The following LEPR variants were observed in gnomAD, a reference collection of about 807,000 sequenced individuals.
LEPR encodes the protein OB receptor.
In LEPR, 56 loss-of-function variants were observed where a neutral mutation model predicts 114.7. The ratio of observed to expected loss-of-function variants is 0.49; its 90% CI spans 0.39 to 0.61. The LOEUF (loss-of-function observed/expected upper bound fraction) is 0.61, where lower values mean the gene tolerates loss of function less well. LEPR is among the 20% of genes least tolerant of loss of function. LEPR has a pLI of 0.00. For synonymous variants in LEPR, 443 were observed against 461.4 expected (o/e 0.96, Z 0.51); for missense variants, 1,202 against 1,352.9 (o/e 0.89, Z 1.75).
chr1:65,508,949 A>G (rs1648893167), intron 2 of LEPR, among the ~76,000 whole-genome samples: 1 of 151,930 alleles, frequency 6.6e-6, no homozygotes, highest in South Asian at 2.1e-4. Context: ...TTTGATACTA[A>G]TGTAAATGGG....
At chr1:65,435,224 C>G (rs1165943271) in intron 2 of LEPR, 1 of 985,256 alleles carries the variant, frequency 1.0e-6, no homozygotes, top group African/African-American at 1.7e-5. Context: ...ATTTTTCTTA[C>G]TGTCCTAAGG....
intron 5 of LEPR, among the ~76,000 whole-genome samples, chr1:65,574,610 A>G (rs1158194486): frequency 1.3e-5 from 2 of 152,208 alleles, no homozygotes; most frequent in East Asian, 1.9e-4. Context: ...AGCACTTGCT[A>G]TGTTTAACAG....
intron 2 of LEPR, among the ~76,000 whole-genome samples, chr1:65,452,133 C>T (rs535312915): frequency 1.3e-5 from 2 of 152,080 alleles, no homozygotes; most frequent in Admixed American, 6.5e-5. Flanking sequence ...GATTTTGTAT[C>T]CTGAGACTTT....
Position 65,610,475 on chromosome 1 carries a change from G to A in LEPR, c.1995+179G>A, listed in dbSNP as rs530646065. ...ACAGTGGCTGAAGCACTGGCATAGT[G>A]TTAGGAGACTTTCATTCTCTTCTTA... On this transcript the variant is annotated intron_variant, in intron 14 of 19. Transcript: ENST00000349533. 3.9e-5 allele frequency among the ~76,000 whole-genome samples: 6 copies of A among 152,298 alleles called. No individual in the cohort carries two copies. The East Asian group carries it at 1.2e-3, about 29-fold the overall frequency.
At chr1:65,620,375 TA>T (rs543719679) in intron 17 of LEPR, among the ~76,000 whole-genome samples, 3 of 152,154 alleles carry the variant, frequency 2.0e-5, no homozygotes, top group South Asian at 4.1e-4. Flanking sequence ...TAAAAATCAT[TA>T]AAAAAATTCA....
intron 4 of LEPR, among the ~76,000 whole-genome samples, chr1:65,571,971 C>CA (rs72311704): frequency 0.025 from 1,499 of 60,482 alleles, 62 homozygotes; most frequent in South Asian, 0.029. Context: ...CACCCCATCT[C>CA]AAAAAAAAAA....
intron 2 of LEPR, among the ~76,000 whole-genome samples, chr1:65,463,099 G>A (rs1312529353): frequency 6.6e-6 from 1 of 152,086 alleles, no homozygotes; most frequent in African/African-American, 2.4e-5. Context: ...GTAGTACCTA[G>A]GTTTTCTTCT....
In LEPR at chr1:65,639,856, T is replaced by G. The variant is rs1658815545; in HGVS notation, c.*2841T>G. 6.6e-6 allele frequency: 1 copy of G among 152,088 alleles called. No individual in the cohort carries two copies. The highest frequency in any genetic ancestry group is 1.5e-5 in the Non-Finnish European group (1 of 68,014). 9.4% of individuals were successfully genotyped at this position (152,088 alleles called of 1,614,324 possible). A position where few individuals can be genotyped will look rare whatever the true frequency, so the allele number is the denominator to read the frequency against. ...TTCTAACTTAAACCCCCAAGAACAA[T>G]GAAAAAGTTGACGTACATGTCACTA... On this transcript the variant is annotated 3_prime_UTR_variant, in exon 20 of 20. Coordinates refer to ENST00000349533, the MANE Select transcript of LEPR (RefSeq NM_002303.6).
intron 14 of LEPR, 22 bp from the exon 15 acceptor site, chr1:65,615,986 T>C (rs781059916): frequency 1.9e-6 from 3 of 1,613,776 alleles, no homozygotes; most frequent in African/African-American, 2.7e-5. Context: ...CTTAAACTAA[T>C]CAATTTCTAT....
chr1:65,518,905 C>CT (rs1454675980), intron 2 of LEPR, among the ~76,000 whole-genome samples: 1 of 90,502 alleles, frequency 1.1e-5, no homozygotes, highest in African/African-American at 3.9e-5. Context: ...TTCTTTCTTT[C>CT]TTTCTTTCTT....
chr1:65,627,304 A>G (rs1658276891), intron 19 of LEPR, among the ~76,000 whole-genome samples: 1 of 152,248 alleles, frequency 6.6e-6, no homozygotes, highest in South Asian at 2.1e-4. Flanking sequence ...AACATCATAA[A>G]AATGGGCAAA....
At chr1:65,554,231 C>T (rs959909592) in intron 2 of LEPR, among the ~76,000 whole-genome samples, 2 of 152,180 alleles carry the variant, frequency 1.3e-5, no homozygotes, top group Admixed American at 1.3e-4. Context: ...AAAGCTGAAG[C>T]GCTGTGCTGG....
At chr1:65,427,347 G>C (rs1646399081) in intron 2 of LEPR, among the ~76,000 whole-genome samples, 1 of 152,182 alleles carries the variant, frequency 6.6e-6, no homozygotes, top group East Asian at 1.9e-4. Flanking sequence ...GCAACGGTAG[G>C]AGGATTGCTT....
rs1383957212 is a variant in LEPR, at chr1:65,601,558, T to A, written c.1161T>A (p.His387Gln). 6.2e-7 allele frequency: 1 copy of A among 1,613,726 alleles called. No homozygotes were observed. The highest frequency in any genetic ancestry group is 1.7e-5 in the Admixed American group (1 of 59,988). ...PQSQYDVVSD[H>Q]VSKVTFFNLN... is the part of the protein sequence containing the mutation. ...GCCAGTATGATGTTGTGAGTGATCA[T>A]GTTAGCAAAGTTACTTTTTTCAATC... Residue 387 changes from histidine to glutamine, a missense_variant, in exon 9 of 20, where the codon CAT (histidine) becomes CAA (glutamine). His to Gln is a conservative substitution (Grantham distance 24, BLOSUM62 0). Transcript: ENST00000349533.
intron 2 of LEPR, among the ~76,000 whole-genome samples, chr1:65,456,044 T>A (rs1291210045): frequency 1.3e-5 from 2 of 152,178 alleles, no homozygotes; most frequent in Non-Finnish European, 2.9e-5. Flanking sequence ...GACCCGATTT[T>A]CCAGGTGCCA....
Position 65,507,550 on chromosome 1 carries a change from T to TAC in LEPR, c.-20-57984_-20-57983dup, listed in dbSNP as rs765367724. Among the ~76,000 whole-genome samples, 773 of 146,872 alleles carry TAC rather than the reference T, an allele frequency of 5.3e-3. 7 individuals carry two copies. The highest frequency in any genetic ancestry group is 0.013 in the African/African-American group (533 of 40,060). On this transcript the variant is annotated intron_variant, in intron 2 of 19. Transcript: ENST00000349533. ...ATATATATGTGTGTATATATATATA[T>TAC]ACACACACACACAACATTAAAAAAA...
intron 2 of LEPR, among the ~76,000 whole-genome samples, chr1:65,550,470 CAGTTCG>C (rs1282873197): frequency 6.6e-6 from 1 of 152,236 alleles, no homozygotes; most frequent in African/African-American, 2.4e-5. Context: ...GGGCTCCACC[CAGTTCG>C]AGCTTCCTGG....
At chr1:65,602,398 C>T (rs1656505327) in intron 10 of LEPR, among the ~76,000 whole-genome samples, 1 of 151,848 alleles carries the variant, frequency 6.6e-6, no homozygotes, top group East Asian at 1.9e-4. Context: ...GTTTTTAGAA[C>T]TGAGTGAGAT....
intron 19 of LEPR, among the ~76,000 whole-genome samples, chr1:65,628,918 C>T (rs1475070335): frequency 6.6e-6 from 1 of 152,140 alleles, no homozygotes; most frequent in African/African-American, 2.4e-5. Context: ...TTTTCCACCC[C>T]TCCGTACCCT....
Sources: allele counts gnomAD v4.1 joint callset (sites outside exome capture counted in the v4.1 genomes callset), GRCh38; gene constraint gnomAD v4.1.1; transcripts MANE v1.5; gene names NCBI Gene and HGNC (gene_info 2026-07-23, HGNC 2026-07-21).